Variants in INPP5B observed in about 807,000 individuals in gnomAD.
The protein encoded by INPP5B is type II inositol 1,4,5-trisphosphate 5-phosphatase.
Under a neutral mutation model 118.5 loss-of-function variants are expected in INPP5B, and 90 were observed. That is an observed-to-expected ratio of 0.76 (90% CI 0.64 to 0.90). INPP5B has a LOEUF of 0.90. Ranked by LOEUF, INPP5B falls within the 40% of genes least tolerant of loss-of-function variation. The pLI, the probability that INPP5B is intolerant of heterozygous loss-of-function variation, is 0.00. For missense variants in INPP5B, 984 were observed against 1,125.6 expected (o/e 0.87, Z 1.80); for synonymous variants, 385 against 418.9 (o/e 0.92, Z 0.99).
intron 7 of INPP5B, among the ~76,000 whole-genome samples, chr1:37,917,308 T>TTATATATATATATATATATAGATATATA (rs1644904162): frequency 1.1e-5 from 1 of 92,796 alleles, no homozygotes; most frequent in Non-Finnish European, 2.0e-5. Flanking sequence ...AAAAAAATAA[T>TTATATATATATATATATATAGATATATA]TATATATATA....
chr1:37,862,066 CTG>C lies in INPP5B; in HGVS notation c.*247_*248del, dbSNP rs973592694. 3.1e-4 allele frequency: 126 copies of C among 406,766 alleles called. No homozygotes were observed. The highest frequency in any genetic ancestry group is 2.3e-3 in the African/African-American group (114 of 48,596). The allele number at this position is 406,766 out of a possible 1,614,324, so 25.2% of individuals were successfully genotyped here. A position where few individuals can be genotyped will look rare whatever the true frequency, so the allele number is the denominator to read the frequency against. On this transcript the variant is annotated 3_prime_UTR_variant, in exon 24 of 24. Transcript: ENST00000373024. ...AAAAAAAAATAAAAAATAAAAAAAT[CTG>C]TGTTAAATAACTAAAGTTGAAAATT...
In INPP5B at chr1:37,866,560, A is replaced by G. The variant is rs781412142; in HGVS notation, c.2302-17T>C. ...CAGATCTTCCTGCAAAAGGGAAGAC[A>G]GTAACAAAATAATTATTTTCTCAGA... On this transcript the variant is annotated splice_polypyrimidine_tract_variant and intron_variant, in intron 20 of 23. Transcript: ENST00000373024. The G allele has an allele frequency of 1.4e-6, 2 of 1,455,402 alleles. No homozygotes were observed. The highest frequency in any genetic ancestry group is 2.3e-5 in the South Asian group (2 of 87,822). The allele number at this position is 1,455,402 out of a possible 1,614,324, so 90.2% of individuals were successfully genotyped here. A position where few individuals can be genotyped will look rare whatever the true frequency, so the allele number is the denominator to read the frequency against.
At chr1:37,890,180 G>A (rs141679628) in intron 8 of INPP5B, among the ~76,000 whole-genome samples, 37 of 152,250 alleles carry the variant, frequency 2.4e-4, no homozygotes, top group African/African-American at 8.9e-4. Context: ...TTCGAGATCA[G>A]CCTGGCCAAC....
intron 19 of INPP5B, among the ~76,000 whole-genome samples, chr1:37,870,389 T>A (rs766823780): frequency 1.3e-5 from 2 of 152,212 alleles, no homozygotes; most frequent in Non-Finnish European, 2.9e-5. Flanking sequence ...AGGATTACAA[T>A]TGTGAGTCAC....
chr1:37,929,783 G>A (rs1645379202), intron 7 of INPP5B: 1 of 152,054 alleles, frequency 6.6e-6, no homozygotes, highest in Non-Finnish European at 1.5e-5. Context: ...TCCCAGGCTG[G>A]AATGCAATGG....
chr1:37,864,484 T>C, intron 22 of INPP5B, 61 bp from the exon 23 acceptor site: 7 of 1,001,762 alleles, frequency 7.0e-6, no homozygotes, highest in Non-Finnish European at 9.4e-6. Context: ...AAGTGCCTAC[T>C]ATAGTCCAAG....
At position 37,946,352 on chromosome 1, in the gene INPP5B, G is replaced by A. The variant is rs1320410330; in HGVS notation, c.-26-18C>T. Reference sequence around the variant, plus strand: ...CACACACCCTGTGGGAGGGGAGATAGGAGCCCCGCTTTGGTCAACAAGTTA... The same window carrying A: ...CACACACCCTGTGGGAGGGGAGATAAGAGCCCCGCTTTGGTCAACAAGTTA... On this transcript the variant is annotated intron_variant, in intron 1 of 23. Transcript: ENST00000373024. 1 of 1,588,066 alleles carries A rather than the reference G, an allele frequency of 6.3e-7. No homozygotes were observed. Among genetic ancestry groups the A allele is most frequent in the Admixed American group, 1.7e-5 (1 of 57,350 alleles).
At chr1:37,872,725 A>C (rs1642534789) in intron 19 of INPP5B, among the ~76,000 whole-genome samples, 1 of 151,562 alleles carries the variant, frequency 6.6e-6, no homozygotes, top group South Asian at 2.1e-4. Flanking sequence ...AAACCCACAG[A>C]ATCATGAGGA....
chr1:37,902,301 T>G (rs1644361191), intron 7 of INPP5B, among the ~76,000 whole-genome samples: 1 of 152,160 alleles, frequency 6.6e-6, no homozygotes, highest in Non-Finnish European at 1.5e-5. Context: ...TTAAATATTT[T>G]TATATCTGAC....
At chr1:37,910,395 C>G (rs1464626274) in intron 7 of INPP5B, among the ~76,000 whole-genome samples, 1 of 152,076 alleles carries the variant, frequency 6.6e-6, no homozygotes, top group East Asian at 1.9e-4. Context: ...CCTCACCTGC[C>G]CAGCTCCCTT....
intron 15 of INPP5B, 64 bp from the exon 16 acceptor site, chr1:37,878,387 G>A: frequency 6.3e-7 from 1 of 1,594,894 alleles, no homozygotes. Flanking sequence ...CCTGGCGAGT[G>A]CCCTGGCTCA....
intron 7 of INPP5B, among the ~76,000 whole-genome samples, chr1:37,892,506 T>A (rs909902036): frequency 7.2e-5 from 11 of 152,144 alleles, no homozygotes; most frequent in African/African-American, 1.7e-4. Flanking sequence ...CATGAAGCGG[T>A]CACAGAGAGA....
chr1:37,884,638 T>C (rs1643407327), intron 13 of INPP5B, among the ~76,000 whole-genome samples: 1 of 151,962 alleles, frequency 6.6e-6, no homozygotes, highest in African/African-American at 2.4e-5. Context: ...TTCTCACACA[T>C]GTTGATAAAA....
intron 17 of INPP5B, 104 bp downstream of exon 17, chr1:37,875,502 T>C: frequency 1.3e-6 from 1 of 766,540 alleles, no homozygotes; most frequent in Non-Finnish European, 2.3e-6. Context: ...TCTCCTGACC[T>C]CATGACCTGC....
intron 7 of INPP5B, among the ~76,000 whole-genome samples, chr1:37,927,590 C>G (rs1441027995): frequency 1.3e-5 from 2 of 149,254 alleles, no homozygotes; most frequent in African/African-American, 5.0e-5. Context: ...AGGCTGGAGT[C>G]CAGTGGCGCA....
intron 13 of INPP5B, 24 bp downstream of exon 13, chr1:37,885,614 C>A: frequency 6.2e-7 from 1 of 1,609,398 alleles, no homozygotes; most frequent in Middle Eastern, 2.0e-4. Context: ...TGGTGAACCG[C>A]ATGGGGTGGA....
intron 14 of INPP5B, 120 bp downstream of exon 14, chr1:37,882,687 G>T: frequency 1.5e-6 from 1 of 675,840 alleles, no homozygotes; most frequent in Non-Finnish European, 2.6e-6. Flanking sequence ...GACAACATCA[G>T]GAACTCAGGG....
At chr1:37,875,090 G>A (rs974298241) in intron 17 of INPP5B, among the ~76,000 whole-genome samples, 3 of 152,148 alleles carry the variant, frequency 2.0e-5, no homozygotes, top group Non-Finnish European at 4.4e-5. Context: ...TGGTTTAGAA[G>A]AATAGGACAT....
chr1:37,943,867 A>G lies in INPP5B; in HGVS notation c.179T>C (p.Met60Thr). The G allele has an allele frequency of 6.2e-7, 1 of 1,613,974 alleles. No homozygotes were observed. Among genetic ancestry groups the G allele is most frequent in the Non-Finnish European group, 8.5e-7 (1 of 1,179,940 alleles). Reference sequence around the variant, plus strand: ...AGAGACATCGTCCCCGGTAATGGCCATCCTCCGGTGCGTATAGAGGAAGAG... The same window carrying G: ...AGAGACATCGTCCCCGGTAATGGCCGTCCTCCGGTGCGTATAGAGGAAGAG... ...HALFLYTHRRMAITGDDVSLD... is the reference protein window; with the variant it reads ...HALFLYTHRRTAITGDDVSLD... The change falls in exon 4 of 24, where the codon ATG (methionine) becomes ACG (threonine). Residue 60 changes from methionine (M) to threonine (T), a missense_variant. Coordinates refer to ENST00000373024, the MANE Select transcript of INPP5B (RefSeq NM_005540.3).
Sources: gnomAD v4.1 joint callset for allele counts (sites outside exome capture counted in the v4.1 genomes callset) on GRCh38, gnomAD v4.1.1 for gene constraint, MANE v1.5 for transcripts, NCBI Gene and HGNC (gene_info 2026-07-23, HGNC 2026-07-21) for gene names.